The following GRM7 variants were observed in gnomAD, a reference collection of about 807,000 sequenced individuals.
GRM7 encodes glutamate metabotropic receptor 7.
GRM7 carries 35 observed loss-of-function variants against 84.5 expected under a neutral mutation model. That is an observed-to-expected ratio of 0.41 (90% CI 0.32 to 0.55). The LOEUF (loss-of-function observed/expected upper bound fraction) is 0.55. Among genes scored for constraint, GRM7 ranks in the 20% least tolerant of loss-of-function variants. The pLI is 0.19. For synonymous variants in GRM7, 487 were observed against 455.1 expected, an observed-to-expected ratio of 1.07 and a Z score of -0.89; for missense variants, 1,003 against 1,194.6, an observed-to-expected ratio of 0.84 and a Z score of 2.36.
intron 2 of GRM7, among the ~76,000 whole-genome samples, chr3:7,229,760 T>TATATATATATATATA (rs68069165): frequency 1.1e-3 from 25 of 23,432 alleles, no homozygotes; most frequent in Admixed American, 1.7e-3. Context: ...TATATATATA[T>TATATATATATATATA]TTTTTTTTTT....
chr3:7,653,471 C>CAT (rs1699049329), intron 8 of GRM7, among the ~76,000 whole-genome samples: 1 of 152,058 alleles, frequency 6.6e-6, no homozygotes, highest in Non-Finnish European at 1.5e-5. Flanking sequence ...TTCTGAGGGT[C>CAT]ATGTCTACTC....
chr3:7,133,291 C>T (rs1693664696), intron 1 of GRM7, among the ~76,000 whole-genome samples: 1 of 152,184 alleles, frequency 6.6e-6, no homozygotes, highest in Non-Finnish European at 1.5e-5. Flanking sequence ...TTGAGATTCC[C>T]CTTTTGCACA....
At chr3:6,929,357 G>C (rs1190386673) in intron 1 of GRM7, among the ~76,000 whole-genome samples, 1 of 152,092 alleles carries the variant, frequency 6.6e-6, no homozygotes, top group African/African-American at 2.4e-5. Context: ...ACTTGCTTTG[G>C]AATATCTACT....
chr3:7,109,902 G>T (rs1692785273), intron 1 of GRM7, among the ~76,000 whole-genome samples: 1 of 151,916 alleles, frequency 6.6e-6, no homozygotes, highest in Non-Finnish European at 1.5e-5. Flanking sequence ...ATCTAGAGTT[G>T]ATTTTTGTTT....
chr3:7,483,468 G>A (rs1020978149), intron 7 of GRM7, among the ~76,000 whole-genome samples: 10 of 152,178 alleles, frequency 6.6e-5, no homozygotes, highest in African/African-American at 4.8e-5. Context: ...GTCCTAGGGA[G>A]TGGAAGTGAA....
At chr3:7,412,456 C>G (rs905658557) in intron 4 of GRM7, among the ~76,000 whole-genome samples, 3 of 152,172 alleles carry the variant, frequency 2.0e-5, no homozygotes, top group African/African-American at 7.2e-5. Context: ...CTTTTACTCT[C>G]TCTCACCTGG....
At chr3:7,430,786 AG>A (rs1211467851) in intron 5 of GRM7, among the ~76,000 whole-genome samples, 19 of 152,354 alleles carry the variant, frequency 1.2e-4, no homozygotes, top group Admixed American at 9.8e-4. Context: ...AAATAGTCTC[AG>A]AAGATACAGA....
intron 8 of GRM7, chr3:7,608,031 G>C (rs550509629): frequency 2.8e-6 from 1 of 357,728 alleles, no homozygotes; most frequent in African/African-American, 2.2e-5. Flanking sequence ...ACAGCCTCCA[G>C]CTCCATCTAT....
intron 8 of GRM7, among the ~76,000 whole-genome samples, chr3:7,668,660 G>T (rs939317722): frequency 9.8e-5 from 15 of 152,362 alleles, no homozygotes; most frequent in African/African-American, 3.6e-4. Context: ...AGGGGAAGAA[G>T]AAAGCACAGG....
At position 7,587,542 on chromosome 3, in the gene GRM7, G is replaced by T. The variant is rs2125060477; in HGVS notation, c.2451+8185G>T. 1.3e-5 allele frequency among the ~76,000 whole-genome samples: 2 copies of T among 152,268 alleles called. 1 individual carries two copies. The highest frequency in any genetic ancestry group is 1.3e-4 in the Admixed American group (2 of 15,292). On this transcript the variant is annotated intron_variant, in intron 8 of 9. Transcript: ENST00000357716. ...CACTGGAGAGACGGGTAGAGGCAAA[G>T]CCCCAGAAGGCCCTGTGTGCCCTAT...
At chr3:7,098,935 A>T (rs1297435025) in intron 1 of GRM7, among the ~76,000 whole-genome samples, 5 of 151,958 alleles carry the variant, frequency 3.3e-5, no homozygotes, top group Non-Finnish European at 7.4e-5. Context: ...TTTAGTGGCT[A>T]TCAAATATGC....
intron 1 of GRM7, among the ~76,000 whole-genome samples, chr3:7,062,868 T>C (rs745707938): frequency 6.6e-6 from 1 of 151,776 alleles, no homozygotes; most frequent in Non-Finnish European, 1.5e-5. Context: ...CATAGTAGAA[T>C]AGCTCTGTCA....
intron 7 of GRM7, among the ~76,000 whole-genome samples, chr3:7,505,372 C>G (rs560684507): frequency 1.3e-5 from 2 of 152,230 alleles, no homozygotes; most frequent in African/African-American, 4.8e-5. Context: ...GTGACCCTGA[C>G]CCTATGGCTT....
chr3:7,574,681 T>A (rs1694874064), intron 7 of GRM7, among the ~76,000 whole-genome samples: 1 of 152,194 alleles, frequency 6.6e-6, no homozygotes, highest in African/African-American at 2.4e-5. Context: ...CAAGAAGAGC[T>A]TCTCACAGGA....
intron 2 of GRM7, among the ~76,000 whole-genome samples, chr3:7,196,958 A>G (rs1695898963): frequency 6.6e-6 from 1 of 152,146 alleles, no homozygotes; most frequent in Non-Finnish European, 1.5e-5. Flanking sequence ...ATTCTTTTTA[A>G]TCAGGGGCAA....
At chr3:6,976,261 GC>G (rs1693991569) in intron 1 of GRM7, among the ~76,000 whole-genome samples, 1 of 152,106 alleles carries the variant, frequency 6.6e-6, no homozygotes, top group Non-Finnish European at 1.5e-5. Flanking sequence ...TTTGAAAAAG[GC>G]CCAACATTTT....
chr3:7,376,090 T>A (rs554062435), intron 4 of GRM7, among the ~76,000 whole-genome samples: 1 of 152,208 alleles, frequency 6.6e-6, no homozygotes, highest in Non-Finnish European at 1.5e-5. Flanking sequence ...AATGGCAAAG[T>A]ACTCCCGAGA....
At chr3:7,539,292 G>A (rs3804925) in intron 7 of GRM7, among the ~76,000 whole-genome samples, 13,083 of 152,162 alleles carry the variant, frequency 0.086, 716 homozygotes, top group South Asian at 0.14. Flanking sequence ...CGAGAACAGC[G>A]TGCGTAATTC....
chr3:7,087,659 A>C (rs1698507561), intron 1 of GRM7, among the ~76,000 whole-genome samples: 1 of 152,170 alleles, frequency 6.6e-6, no homozygotes, highest in African/African-American at 2.4e-5. Flanking sequence ...CAGAGATGAA[A>C]GAGAGGAAGT....
Sources: gnomAD v4.1 joint callset for allele counts (sites outside exome capture counted in the v4.1 genomes callset) on GRCh38, gnomAD v4.1.1 for gene constraint, MANE v1.5 for transcripts, NCBI Gene and HGNC (gene_info 2026-07-23, HGNC 2026-07-21) for gene names.